Variants in OMD observed in about 807,000 individuals in gnomAD.
OMD encodes the protein KSPG osteomodulin.
Under a neutral mutation model 31.2 loss-of-function variants are expected in OMD, and 19 were observed. The observed-to-expected ratio is 0.61, with a 90% CI of 0.42 to 0.89. The LOEUF (loss-of-function observed/expected upper bound fraction) is 0.89. Ranked by LOEUF, OMD falls within the 40% of genes least tolerant of loss-of-function variation. OMD has a pLI of 0.00. For synonymous variants in OMD, 155 were observed against 166.4 expected (o/e 0.93, Z 0.53); for missense variants, 448 against 490.8 (o/e 0.91, Z 0.82).
chr9:92,413,542 T>G lies in OMD; in HGVS notation c.*1610A>C, dbSNP rs553861925. Among the ~76,000 whole-genome samples the G allele has an allele frequency of 6.6e-6, 1 of 152,330 alleles. No homozygotes were observed. Among genetic ancestry groups the G allele is most frequent in the South Asian group, 2.1e-4 (1 of 4,832 alleles). ...TTATCTTTGTTTTCTAAAACACCTA[T>G]AGTATTTTCCACGTATTAACTCTTA... On this transcript the variant is annotated 3_prime_UTR_variant, in exon 3 of 3. Coordinates refer to ENST00000375550, the MANE Select transcript of OMD (RefSeq NM_005014.3).
chr9:92,416,764 T>G lies in OMD; in HGVS notation c.795A>C (p.Ser265=), dbSNP rs1222054872. The change falls in exon 2 of 3, where the codon TCA becomes TCC. Residue 265 remains serine, a synonymous_variant. Coordinates refer to ENST00000375550, the MANE Select transcript of OMD (RefSeq NM_005014.3). The stretch of plus-strand genomic sequence containing the variant: ...ATGGGATGTCTTGTAGTTTGTTGTG[T>G]GACATTCTTAGAGTATGAAGTTTTG... ...KLPKLHTLRM[S]HNKLQDIPYN... is the part of the protein sequence containing the mutation. The G allele has an allele frequency of 3.7e-6, 6 of 1,613,792 alleles. No individual in the cohort carries two copies. In the South Asian group the frequency reaches 6.6e-5, roughly 18 times the overall value.
intron 1 of OMD, among the ~76,000 whole-genome samples, chr9:92,420,757 G>GT (rs566441127): frequency 0.022 from 3,205 of 145,176 alleles, 46 homozygotes; most frequent in Non-Finnish European, 0.028. Context: ...TTTTGTTTTT[G>GT]TTTTTTTTTT....
intron 2 of OMD, among the ~76,000 whole-genome samples, chr9:92,416,056 G>GTATATATATA (rs1403964887): frequency 1.2e-5 from 1 of 83,452 alleles, no homozygotes; most frequent in African/African-American, 3.3e-5. Context: ...TTATATATGT[G>GTATATATATA]TGTATATATA....
chr9:92,414,523 ATTAG>A lies in OMD; in HGVS notation c.*625_*628del, dbSNP rs1315265244. 2 of 209,666 alleles carry A rather than the reference ATTAG, an allele frequency of 9.5e-6. No homozygotes were observed. Among genetic ancestry groups the A allele is most frequent in the African/African-American group, 4.5e-5 (2 of 44,044 alleles). 13.0% of individuals were successfully genotyped at this position (209,666 alleles called of 1,614,324 possible). A position where few individuals can be genotyped will look rare whatever the true frequency, so the allele number is the denominator to read the frequency against. ...TGTTTTGGTATTCTGAGGCAAAAAG[ATTAG>A]TTAATTTTGTGAATCTGTATGCCTT... On this transcript the variant is annotated 3_prime_UTR_variant, in exon 3 of 3. Transcript: ENST00000375550.
At position 92,421,503 on chromosome 9, in the gene OMD, T is replaced by G. The variant is rs552749382; in HGVS notation, c.-17+2699A>C. On this transcript the variant is annotated intron_variant, in intron 1 of 2. Transcript: ENST00000375550. The stretch of plus-strand genomic sequence containing the variant: ...GTAGATTTAAGGAGTTATGGTATCA[T>G]ACCAAAGGGCAGTGTTCAGAGCAGG... 4.6e-5 allele frequency among the ~76,000 whole-genome samples: 7 copies of G among 152,348 alleles called. No homozygotes were observed. The South Asian group carries it at 1.4e-3, about 32-fold the overall frequency.
Position 92,412,542 on chromosome 9 carries a change from C to A in OMD, c.*2610G>T, listed in dbSNP as rs2130950211. Among the ~76,000 whole-genome samples the A allele has an allele frequency of 6.6e-6, 1 of 152,342 alleles. No individual in the cohort carries two copies. The highest frequency in any genetic ancestry group is 1.9e-4 in the East Asian group (1 of 5,182). Reference sequence around the variant, plus strand: ...CATTCCCATGATCCCCAGCTCTAGGCAACCAATAGTCTTTGTCTCCATAGA... The same window carrying A: ...CATTCCCATGATCCCCAGCTCTAGGAAACCAATAGTCTTTGTCTCCATAGA... On this transcript the variant is annotated 3_prime_UTR_variant, in exon 3 of 3. Transcript: ENST00000375550.
At chr9:92,421,522 G>C (rs1371520109) in intron 1 of OMD, among the ~76,000 whole-genome samples, 1 of 152,250 alleles carries the variant, frequency 6.6e-6, no homozygotes, top group Non-Finnish European at 1.5e-5. Context: ...GCAGTGTTCA[G>C]AGCAGGCTCT....
chr9:92,419,450 TC>T (rs1238039796), intron 1 of OMD, among the ~76,000 whole-genome samples: 1 of 151,624 alleles, frequency 6.6e-6, no homozygotes. Context: ...ACAGGTGCAC[TC>T]CACCACACCC....
chr9:92,419,948 A>G (rs575525662), intron 1 of OMD, among the ~76,000 whole-genome samples: 162 of 152,198 alleles, frequency 1.1e-3, no homozygotes, highest in Non-Finnish European at 1.9e-3. Flanking sequence ...AAAGGTTAAG[A>G]AACATCTCAA....
chr9:92,421,734 A>G (rs1459039343), intron 1 of OMD, among the ~76,000 whole-genome samples: 2 of 152,246 alleles, frequency 1.3e-5, no homozygotes, highest in African/African-American at 4.8e-5. Context: ...TGGAGAATAC[A>G]GAAATGAAGA....
At chr9:92,422,321 T>C (rs2130971644) in intron 1 of OMD, among the ~76,000 whole-genome samples, 1 of 152,322 alleles carries the variant, frequency 6.6e-6, no homozygotes, top group South Asian at 2.1e-4. Context: ...CCCAAAGTGC[T>C]GAGATTACAG....
At chr9:92,420,037 AG>A in intron 1 of OMD, among the ~76,000 whole-genome samples, 1 of 152,300 alleles carries the variant, frequency 6.6e-6, no homozygotes, top group African/African-American at 2.4e-5. Context: ...ATTCAGGTAG[AG>A]TCAGAGACCC....
chr9:92,414,855 A>G lies in OMD; in HGVS notation c.*297T>C. The G allele has an allele frequency of 3.8e-6, 1 of 261,420 alleles. No individual in the cohort carries two copies. Among genetic ancestry groups the G allele is most frequent in the Admixed American group, 5.2e-5 (1 of 19,332 alleles). The allele number at this position is 261,420 out of a possible 1,614,324, so 16.2% of individuals were successfully genotyped here. On this transcript the variant is annotated 3_prime_UTR_variant, in exon 3 of 3. Coordinates refer to ENST00000375550, the MANE Select transcript of OMD (RefSeq NM_005014.3). ...AAATTACTGTTAATAGAAATGATACACTCACTTTCTTTAACATGATATTTC... is the reference window on the plus strand; with the variant it reads ...AAATTACTGTTAATAGAAATGATACGCTCACTTTCTTTAACATGATATTTC...
chr9:92,415,221 A>T lies in OMD; in HGVS notation c.1197T>A (p.Ala399=). The T allele has an allele frequency of 6.2e-7, 1 of 1,613,850 alleles. No individual in the cohort carries two copies. Among genetic ancestry groups the T allele is most frequent in the Non-Finnish European group, 8.5e-7 (1 of 1,179,864 alleles). Residue 399 remains alanine, a synonymous_variant, in exon 3 of 3, where the codon GCT becomes GCA. Coordinates refer to ENST00000375550, the MANE Select transcript of OMD (RefSeq NM_005014.3). ...ESEDHDDPDN[A]HESPEQEGAE... ...CTCCTTCTTGTTCTGGGCTCTCATG[A>T]GCATTGTCAGGATCATCGTGATCTT...
intron 1 of OMD, among the ~76,000 whole-genome samples, chr9:92,420,701 A>C (rs552469916): frequency 2.0e-5 from 3 of 151,602 alleles, no homozygotes; most frequent in African/African-American, 7.3e-5. Context: ...ATTTTCTTAT[A>C]TGTATCCCTA....
chr9:92,415,296 T>G lies in OMD; in HGVS notation c.1122A>C (p.Gln374His). The G allele has an allele frequency of 6.2e-7, 1 of 1,613,756 alleles. No homozygotes were observed. Among genetic ancestry groups the G allele is most frequent in the African/African-American group, 1.3e-5 (1 of 75,020 alleles). Reference protein sequence around the residue: ...EQRSTNGQTIQLKTQVFRRFP... With the variant: ...EQRSTNGQTIHLKTQVFRRFP... ...ATCTCCTGAAAACTTGTGTCTTTAG[T>G]TGTATTGTTTGACCATTAGTGCTTC... The change falls in exon 3 of 3, where the codon CAA (glutamine) becomes CAC (histidine). Residue 374 changes from glutamine (Q) to histidine (H), a missense_variant. Coordinates refer to ENST00000375550, the MANE Select transcript of OMD (RefSeq NM_005014.3).
At chr9:92,421,374 A>T (rs1843788304) in intron 1 of OMD, among the ~76,000 whole-genome samples, 1 of 152,152 alleles carries the variant, frequency 6.6e-6, no homozygotes, top group Non-Finnish European at 1.5e-5. Flanking sequence ...AGGAATTTGC[A>T]CTCTGGGAAT....
rs1401087458 is a variant in OMD, at chr9:92,417,016, AG to A, written c.542del (p.Ala181ValfsTer5). 1 of 1,613,966 alleles carries A rather than the reference AG, an allele frequency of 6.2e-7. No homozygotes were observed. The highest frequency in any genetic ancestry group is 8.5e-7 in the Non-Finnish European group (1 of 1,179,966). On this transcript the variant is annotated frameshift_variant, in exon 2 of 3. Transcript: ENST00000375550. LOFTEE classifies it high-confidence loss of function. ...TGGTCAAGTTTACTAGCCCATCCAT[AG>A]CATTTGTCTGCAGTTTGGAGATTTC... ...YNEISKLQTNAMDGLVNLTML... is the reference protein window; with the variant it reads ...YNEISKLQTNXMDGLVNLTML...
At chr9:92,422,789 A>C (rs1326068329) in intron 1 of OMD, among the ~76,000 whole-genome samples, 1 of 152,174 alleles carries the variant, frequency 6.6e-6, no homozygotes, top group Non-Finnish European at 1.5e-5. Flanking sequence ...CTGTTACAAC[A>C]ATCTCTTATT....
Sources: allele counts gnomAD v4.1 joint callset (sites outside exome capture counted in the v4.1 genomes callset), GRCh38; gene constraint gnomAD v4.1.1; transcripts MANE v1.5; gene names NCBI Gene and HGNC (gene_info 2026-07-23, HGNC 2026-07-21).